Variants in ASAP1 observed in about 807,000 individuals in gnomAD.
ASAP1 encodes the protein arf-GAP with SH3 domain, ANK repeat and PH domain-containing protein 1.
A neutral mutation model predicts 145.2 loss-of-function variants in ASAP1; 43 were observed. That is an observed-to-expected ratio of 0.30 (90% CI 0.23 to 0.38). ASAP1 has a LOEUF of 0.38. ASAP1 is among the 10% of genes least tolerant of loss of function. The pLI, the probability that ASAP1 is intolerant of heterozygous loss-of-function variation, is 1.00. For synonymous variants in ASAP1, 546 were observed against 515.5 expected (o/e 1.06, Z -0.80); for missense variants, 1,018 against 1,355.3 (o/e 0.75, Z 3.91).
At chr8:130,064,748 T>C (rs1047662166) in intron 27 of ASAP1, among the ~76,000 whole-genome samples, 1 of 152,162 alleles carries the variant, frequency 6.6e-6, no homozygotes, top group African/African-American at 2.4e-5. Context: ...CACCTTCCTG[T>C]CCAGTCGCAA....
intron 2 of ASAP1, among the ~76,000 whole-genome samples, chr8:130,397,230 T>C (rs1176935228): frequency 6.6e-6 from 1 of 152,140 alleles, no homozygotes; most frequent in East Asian, 1.9e-4. Context: ...AACCTCTGCC[T>C]CCCAGGTTCA....
intron 1 of ASAP1, among the ~76,000 whole-genome samples, chr8:130,402,869 T>G (rs1381257578): frequency 8.6e-5 from 13 of 151,678 alleles, no homozygotes; most frequent in Admixed American, 8.5e-4. Flanking sequence ...TCACCATTTC[T>G]CCCTCTGAAA....
intron 1 of ASAP1, among the ~76,000 whole-genome samples, chr8:130,435,975 T>C (rs556692273): frequency 1.5e-4 from 23 of 152,326 alleles, no homozygotes; most frequent in African/African-American, 5.3e-4. Flanking sequence ...GAGACATCTC[T>C]GCTACCCAAG....
chr8:130,138,748 A>T (rs933020177), intron 13 of ASAP1, among the ~76,000 whole-genome samples: 1 of 151,340 alleles, frequency 6.6e-6, no homozygotes, highest in African/African-American at 2.4e-5. Context: ...AGGCAGGAGA[A>T]TCGCTTGAAC....
At chr8:130,424,518 T>C (rs534287292) in intron 1 of ASAP1, among the ~76,000 whole-genome samples, 1 of 152,358 alleles carries the variant, frequency 6.6e-6, no homozygotes, top group African/African-American at 2.4e-5. Flanking sequence ...GCGTTTGTTT[T>C]TGTTTTTTTT....
At chr8:130,417,587 G>A (rs542816619) in intron 1 of ASAP1, among the ~76,000 whole-genome samples, 4 of 149,828 alleles carry the variant, frequency 2.7e-5, no homozygotes, top group East Asian at 1.9e-4. Context: ...TGCTTCATGA[G>A]ACAGAAAACC....
At chr8:130,178,258 T>C (rs1453506557) in intron 9 of ASAP1, among the ~76,000 whole-genome samples, 1 of 152,252 alleles carries the variant, frequency 6.6e-6, no homozygotes, top group Non-Finnish European at 1.5e-5. Context: ...CCTTCCATTA[T>C]TTTCGGTATA....
At chr8:130,072,824 T>TGTGTGTGTGCGCGCGCGCGCGCGCGCGC in intron 27 of ASAP1, among the ~76,000 whole-genome samples, 3 of 32,278 alleles carry the variant, frequency 9.3e-5, no homozygotes, top group Non-Finnish European at 1.1e-4. Context: ...TGTGTGTGTG[T>TGTGTGTGTGCGCGCGCGCGCGCGCGCGC]GCGCGCGGGG....
intron 3 of ASAP1, among the ~76,000 whole-genome samples, chr8:130,346,143 C>A (rs1430327759): frequency 6.6e-6 from 1 of 152,156 alleles, no homozygotes; most frequent in Non-Finnish European, 1.5e-5. Context: ...ATGCTAACTA[C>A]ATTAAAAACA....
chr8:130,272,726 T>C lies in ASAP1; in HGVS notation c.187-35732A>G, dbSNP rs375677758. On this transcript the variant is annotated intron_variant, in intron 3 of 29. Transcript: ENST00000518721. ...ACATGGATAGAACTGGATGTCACTA[T>C]GTTAACTGAAATAAAGCAGGCATAG... 9.2e-5 allele frequency among the ~76,000 whole-genome samples: 14 copies of C among 152,226 alleles called. No individual in the cohort carries two copies. In the East Asian group the frequency reaches 1.3e-3, roughly 15 times the overall value.
At chr8:130,148,336 A>G (rs1380932534) in intron 13 of ASAP1, among the ~76,000 whole-genome samples, 1 of 152,240 alleles carries the variant, frequency 6.6e-6, no homozygotes, top group Non-Finnish European at 1.5e-5. Flanking sequence ...TCTGAGCTTC[A>G]TCTATAAAAT....
intron 25 of ASAP1, chr8:130,084,761 G>C (rs1438465900): frequency 6.6e-6 from 1 of 151,856 alleles, no homozygotes; most frequent in Non-Finnish European, 1.5e-5. Context: ...CCAATAAGTA[G>C]ATATGTAATA....
At chr8:130,382,515 C>T (rs991542451) in intron 2 of ASAP1, among the ~76,000 whole-genome samples, 1 of 152,160 alleles carries the variant, frequency 6.6e-6, no homozygotes, top group Non-Finnish European at 1.5e-5. Flanking sequence ...GACACAGGCA[C>T]TGTCATGTAT....
At chr8:130,191,400 AT>A (rs1190669001) in intron 5 of ASAP1, among the ~76,000 whole-genome samples, 1 of 152,218 alleles carries the variant, frequency 6.6e-6, no homozygotes, top group Admixed American at 6.5e-5. Context: ...TTACTCACAC[AT>A]AAGTGTATTC....
chr8:130,371,651 T>C (rs1447084849), intron 2 of ASAP1, among the ~76,000 whole-genome samples: 1 of 152,216 alleles, frequency 6.6e-6, no homozygotes, highest in Non-Finnish European at 1.5e-5. Context: ...TCTTGCTGCC[T>C]ACTGTAATGT....
intron 3 of ASAP1, among the ~76,000 whole-genome samples, chr8:130,331,245 T>C (rs1228185991): frequency 6.6e-6 from 1 of 152,162 alleles, no homozygotes; most frequent in Non-Finnish European, 1.5e-5. Context: ...CCTTAGACCA[T>C]TCTCTGGAAG....
At chr8:130,264,759 G>A (rs1433767779) in intron 3 of ASAP1, among the ~76,000 whole-genome samples, 2 of 152,016 alleles carry the variant, frequency 1.3e-5, no homozygotes, top group Admixed American at 6.6e-5. Flanking sequence ...GAAACATGCC[G>A]GGTGACAGTG....
chr8:130,145,034 G>A (rs924241232), intron 13 of ASAP1, among the ~76,000 whole-genome samples: 22 of 152,136 alleles, frequency 1.4e-4, no homozygotes, highest in Admixed American at 2.6e-4. Flanking sequence ...GAGCTTACTG[G>A]GGCTCCTGCT....
intron 2 of ASAP1, among the ~76,000 whole-genome samples, chr8:130,360,032 T>C (rs1231762567): frequency 6.6e-6 from 1 of 152,220 alleles, no homozygotes; most frequent in East Asian, 1.9e-4. Context: ...TACACAGAAG[T>C]AGCAGAGTGG....
Sources: allele counts gnomAD v4.1 joint callset (sites outside exome capture counted in the v4.1 genomes callset), GRCh38; gene constraint gnomAD v4.1.1; transcripts MANE v1.5; gene names NCBI Gene and HGNC (gene_info 2026-07-23, HGNC 2026-07-21).